ARHGAP8: variants seen among roughly 807,000 people sequenced by gnomAD.
The protein encoded by ARHGAP8 is rho GTPase-activating protein 8.
Under a neutral mutation model 46.1 loss-of-function variants are expected in ARHGAP8, and 62 were observed. The observed-to-expected ratio is 1.34, with a 90% CI of 1.10 to 1.66. The LOEUF is 1.66. ARHGAP8 is among the 40% of genes most tolerant of loss of function. ARHGAP8 has a pLI of 0.00. For synonymous variants in ARHGAP8, 375 were observed against 243.1 expected, an observed-to-expected ratio of 1.54 and a Z score of -5.05; for missense variants, 923 against 568.4, an observed-to-expected ratio of 1.62 and a Z score of -6.34.
At chr22:44,860,089 C>T (rs763149842) in intron 11 of ARHGAP8, among the ~76,000 whole-genome samples, 4 of 152,090 alleles carry the variant, frequency 2.6e-5, no homozygotes, top group Admixed American at 2.0e-4. Flanking sequence ...CAGCCATTGC[C>T]AGTGACTTTT....
chr22:44,860,681 C>T (rs1045007689), intron 11 of ARHGAP8, among the ~76,000 whole-genome samples: 3 of 152,150 alleles, frequency 2.0e-5, no homozygotes, highest in South Asian at 2.1e-4. Context: ...AGAAACCCTT[C>T]AGTGCTCTGG....
rs531750268 is a variant in ARHGAP8, at chr22:44,862,298, C to T, written c.1005C>T (p.Asn335=). ...LHAVSRESIF[N]KMNSSNLACV... ...AGGTGTCCCGGGAGAGCATCTTCAA[C>T]AAAATGAACAGCTCTAACCTGGCCT... The change falls in exon 12 of 12, where the codon AAC becomes AAT. Residue 335 remains asparagine (N), a synonymous_variant. Transcript: ENST00000356099. The T allele has an allele frequency of 1.3e-5, 20 of 1,597,924 alleles. 2 individuals carry two copies. The South Asian group carries it at 2.1e-4, about 17-fold the overall frequency.
In ARHGAP8 at chr22:44,848,004, C is replaced by T. The variant is rs747011648; in HGVS notation, c.702C>T (p.Ser234=). The T allele has an allele frequency of 2.4e-5, 39 of 1,608,084 alleles. No homozygotes were observed. Among genetic ancestry groups the T allele is most frequent in the Non-Finnish European group, 3.1e-5 (37 of 1,179,950 alleles). The change falls in exon 9 of 12, where the codon TCC becomes TCT. Residue 234 remains serine (S), a synonymous_variant. Transcript: ENST00000356099. ...GCACCGAGGGCCTGTTCCGGAGATC[C>T]GCCAGCGTGCAGACCGTCCGCGAGA... is the stretch of plus-strand genomic sequence containing the variant. ...GLRTEGLFRR[S]ASVQTVREIQ...
chr22:44,847,807 T>C (rs1488906786), intron 8 of ARHGAP8, among the ~76,000 whole-genome samples, 166 bp from the exon 9 acceptor site: 1 of 151,880 alleles, frequency 6.6e-6, no homozygotes, highest in African/African-American at 2.4e-5. Flanking sequence ...ACCACAGAGG[T>C]GGGAAATCGG....
chr22:44,770,264 C>CA (rs891601061), intron 1 of ARHGAP8, among the ~76,000 whole-genome samples: 44 of 151,428 alleles, frequency 2.9e-4, no homozygotes, highest in East Asian at 2.0e-3. Context: ...CAAAAACAAA[C>CA]AAAAAAAACA....
intron 1 of ARHGAP8, among the ~76,000 whole-genome samples, chr22:44,771,185 G>A (rs1012865277): frequency 6.6e-6 from 1 of 150,622 alleles, no homozygotes; most frequent in Non-Finnish European, 1.5e-5. Context: ...GGTTCTGGTA[G>A]TTCCTTTGTA....
At chr22:44,793,899 G>A in intron 2 of ARHGAP8, among the ~76,000 whole-genome samples, 1 of 152,212 alleles carries the variant, frequency 6.6e-6, no homozygotes, top group East Asian at 1.9e-4. Flanking sequence ...TTGACTGATG[G>A]CATCAACACA....
chr22:44,860,601 CTG>C (rs2070428556), intron 11 of ARHGAP8, among the ~76,000 whole-genome samples: 2 of 150,902 alleles, frequency 1.3e-5, no homozygotes, highest in Admixed American at 6.6e-5. Context: ...GTCAGATTCT[CTG>C]TGGTCTATCT....
intron 11 of ARHGAP8, among the ~76,000 whole-genome samples, chr22:44,861,953 G>C (rs577878272): frequency 6.6e-6 from 1 of 152,170 alleles, no homozygotes; most frequent in Non-Finnish European, 1.5e-5. Context: ...AGTTCGTACC[G>C]TCTGTGCTAC....
chr22:44,754,092 C>G (rs1385797145), intron 1 of ARHGAP8, among the ~76,000 whole-genome samples: 2 of 152,134 alleles, frequency 1.3e-5, no homozygotes, highest in East Asian at 3.9e-4. Flanking sequence ...GCTGCCTGGT[C>G]CCTGCCCTCA....
intron 2 of ARHGAP8, 110 bp downstream of exon 2, chr22:44,786,716 G>C: frequency 6.9e-7 from 1 of 1,446,446 alleles, no homozygotes; most frequent in African/African-American, 1.4e-5. Flanking sequence ...AGCTGGGCAA[G>C]ATTGAAATCT....
chr22:44,799,894 G>A (rs1312402540), intron 2 of ARHGAP8, among the ~76,000 whole-genome samples: 2 of 152,062 alleles, frequency 1.3e-5, no homozygotes, highest in Non-Finnish European at 2.9e-5. Flanking sequence ...CCTGCATGCA[G>A]GGGGTCCTCT....
At chr22:44,808,748 G>T (rs565701523) in intron 4 of ARHGAP8, 1 of 507,430 alleles carries the variant, frequency 2.0e-6, no homozygotes, top group Non-Finnish European at 3.8e-6. Context: ...TGGATCACCT[G>T]AGGTCAGGAG....
chr22:44,836,138 A>G (rs907008169), intron 7 of ARHGAP8, among the ~76,000 whole-genome samples: 2 of 152,266 alleles, frequency 1.3e-5, no homozygotes, highest in Non-Finnish European at 2.9e-5. Flanking sequence ...AGACTACAGG[A>G]TTCCAGTGCC....
intron 1 of ARHGAP8, among the ~76,000 whole-genome samples, chr22:44,768,732 C>T (rs953357424): frequency 2.6e-5 from 4 of 152,118 alleles, no homozygotes; most frequent in African/African-American, 9.7e-5. Context: ...CTGTGTCCTT[C>T]CTGTTGCAGG....
chr22:44,854,714 C>T (rs898879454), intron 10 of ARHGAP8, among the ~76,000 whole-genome samples: 2 of 152,200 alleles, frequency 1.3e-5, no homozygotes, highest in African/African-American at 2.4e-5. Flanking sequence ...TCTCAGCTCA[C>T]TGCAACCTCT....
intron 1 of ARHGAP8, among the ~76,000 whole-genome samples, chr22:44,778,178 C>A (rs1011362998): frequency 2.0e-5 from 3 of 152,180 alleles, no homozygotes; most frequent in African/African-American, 7.2e-5. Flanking sequence ...TCCCTCACCC[C>A]CTTCCCACCC....
At chr22:44,757,279 A>ATT (rs372905719) in intron 1 of ARHGAP8, among the ~76,000 whole-genome samples, 6 of 143,818 alleles carry the variant, frequency 4.2e-5, no homozygotes, top group African/African-American at 7.6e-5. Flanking sequence ...CAAATATTTA[A>ATT]TTTTTTTTTT....
intron 11 of ARHGAP8, among the ~76,000 whole-genome samples, chr22:44,860,914 G>A (rs1210290448): frequency 1.3e-5 from 2 of 152,110 alleles, no homozygotes; most frequent in Non-Finnish European, 2.9e-5. Context: ...AGAGTCTGTT[G>A]GAGAATGTCA....
Sources: gnomAD v4.1 joint callset for allele counts (sites outside exome capture counted in the v4.1 genomes callset) on GRCh38, gnomAD v4.1.1 for gene constraint, MANE v1.5 for transcripts, NCBI Gene and HGNC (gene_info 2026-07-23, HGNC 2026-07-21) for gene names.